Variants in LONRF2 observed in about 807,000 individuals in gnomAD.
LONRF2 encodes LON peptidase N-terminal domain and ring finger 2.
In LONRF2, 35 loss-of-function variants were observed where a neutral mutation model predicts 66.6. The ratio of observed to expected loss-of-function variants is 0.53; its 90% CI spans 0.40 to 0.70. The LOEUF is 0.70. LONRF2 is among the 30% of genes least tolerant of loss of function. The pLI is 0.00. For missense variants in LONRF2, 902 were observed against 1,002.1 expected (o/e 0.90, Z 1.35); for synonymous variants, 417 against 418.1 (o/e 1.00, Z 0.03).
chr2:100,303,040 G>A lies in LONRF2; in HGVS notation c.802C>T (p.His268Tyr), dbSNP rs1413460914. ...CQNEPLLIKGHQVKAQALSGL... is the reference protein window; with the variant it reads ...CQNEPLLIKGYQVKAQALSGL... Reference sequence around the variant, plus strand: ...GAAAGAGCCTGAGCTTTTACTTGATGTCCCTAGATTCACCGAAGACAAAGT... The same window carrying A: ...GAAAGAGCCTGAGCTTTTACTTGATATCCCTAGATTCACCGAAGACAAAGT... Residue 268 changes from histidine (H) to tyrosine (Y), a missense_variant, in exon 3 of 12, where the codon CAT becomes TAT. Transcript: ENST00000393437. 2 of 1,595,382 alleles carry A rather than the reference G, an allele frequency of 1.3e-6. No individual in the cohort carries two copies. Among genetic ancestry groups the A allele is most frequent in the Non-Finnish European group, 1.7e-6 (2 of 1,171,760 alleles).
chr2:100,296,112 A>C (rs1002333182), intron 7 of LONRF2, among the ~76,000 whole-genome samples: 1 of 152,192 alleles, frequency 6.6e-6, no homozygotes, highest in South Asian at 2.1e-4. Context: ...CGGGATGTGA[A>C]GGGAAGGTAG....
intron 2 of LONRF2, among the ~76,000 whole-genome samples, chr2:100,304,630 T>G (rs1437631283): frequency 6.8e-6 from 1 of 147,746 alleles, no homozygotes; most frequent in Non-Finnish European, 1.5e-5. Flanking sequence ...TGACTGTTTT[T>G]TTTTTTTTTT....
chr2:100,314,828 G>C (rs944382496), intron 1 of LONRF2, among the ~76,000 whole-genome samples: 1 of 152,136 alleles, frequency 6.6e-6, no homozygotes, highest in African/African-American at 2.4e-5. Context: ...GTATATGTGA[G>C]AGTCAGTTTC....
rs1674630051 is a variant in LONRF2, at chr2:100,277,764, C to G, written c.*6534G>C. On this transcript the variant is annotated 3_prime_UTR_variant, in exon 12 of 12. Transcript: ENST00000393437. ...CTGGATGCCCTGGTCAGCACAGCGC[C>G]CCAGCTTCACATTTATGGCCAACTG... 1.3e-5 allele frequency: 2 copies of G among 152,166 alleles called. No homozygotes were observed. The highest frequency in any genetic ancestry group is 6.5e-5 in the Admixed American group (1 of 15,282). The allele number at this position is 152,166 out of a possible 1,614,324, so 9.4% of individuals were successfully genotyped here. A position where few individuals can be genotyped will look rare whatever the true frequency, so the allele number is the denominator to read the frequency against.
At chr2:100,310,581 T>TCATCACCA (rs1304897708) in intron 1 of LONRF2, among the ~76,000 whole-genome samples, 2 of 152,146 alleles carry the variant, frequency 1.3e-5, no homozygotes, top group African/African-American at 4.8e-5. Context: ...TATAAATGTG[T>TCATCACCA]CATCACCACA....
In LONRF2 at chr2:100,297,160, GCT is replaced by G. The variant is rs529682650; in HGVS notation, c.1477-1609_1477-1608del. Among the ~76,000 whole-genome samples, 565 of 150,866 alleles carry G rather than the reference GCT, an allele frequency of 3.7e-3. 3 individuals are homozygous for G. The highest frequency in any genetic ancestry group is 6.0e-3 in the Non-Finnish European group (409 of 67,774). Reference sequence around the variant, plus strand: ...TTTTTTCTTTTTGAGACAGAGTCTCGCTCTGTCGCCCGGGCTGGAGTGCAGTG... The same window carrying G: ...TTTTTTCTTTTTGAGACAGAGTCTCGCTGTCGCCCGGGCTGGAGTGCAGTG... On this transcript the variant is annotated intron_variant, in intron 7 of 11. Coordinates refer to ENST00000393437, the MANE Select transcript of LONRF2 (RefSeq NM_198461.4).
At position 100,321,564 on chromosome 2, in the gene LONRF2, C is replaced by A; in HGVS notation, c.530G>T (p.Arg177Leu). The A allele has an allele frequency of 6.5e-7, 1 of 1,538,906 alleles. No individual in the cohort carries two copies. The highest frequency in any genetic ancestry group is 8.7e-7 in the Non-Finnish European group (1 of 1,154,914). ...GCCGCTCAGCACCACGTTCACGCGC[C>A]GCACCTGCGGCCGCGCGGGCCCTGG... ...VEPGPARPQV[R>L]RVNVVLSGLL... Residue 177 changes from arginine to leucine, a missense_variant, in exon 1 of 12, where the codon CGG (arginine) becomes CTG (leucine). This residue lies in a region of LONRF2 where 585 missense variants were observed against 569.9 expected (regional missense o/e 1.03). Transcript: ENST00000393437.
In LONRF2 at chr2:100,274,293, C is replaced by T. The variant is rs925266954; in HGVS notation, c.*10005G>A. ...TGAGTGACTGAGAGAACTTCCTTAG[C>T]TGCAGGGCTGCAGGCAGGTGCTTCT... On this transcript the variant is annotated 3_prime_UTR_variant, in exon 12 of 12. Transcript: ENST00000393437. The T allele has an allele frequency of 2.0e-5, 3 of 152,336 alleles. No individual in the cohort carries two copies. Among genetic ancestry groups the T allele is most frequent in the Non-Finnish European group, 2.9e-5 (2 of 68,058 alleles). 9.4% of individuals were successfully genotyped at this position (152,336 alleles called of 1,614,324 possible).
chr2:100,318,515 G>A (rs1422078545), intron 1 of LONRF2, among the ~76,000 whole-genome samples: 1 of 152,002 alleles, frequency 6.6e-6, no homozygotes, highest in African/African-American at 2.4e-5. Context: ...ACCACACTTC[G>A]CTAAGGTCAC....
At chr2:100,304,790 A>AT (rs3039614) in intron 2 of LONRF2, among the ~76,000 whole-genome samples, 2,700 of 113,176 alleles carry the variant, frequency 0.024, 45 homozygotes, top group Middle Eastern at 0.03. Flanking sequence ...TGCCTGGCTA[A>AT]TTTTTTTTTT....
At chr2:100,305,392 AC>A (rs1675271413) in intron 2 of LONRF2, among the ~76,000 whole-genome samples, 1 of 152,132 alleles carries the variant, frequency 6.6e-6, no homozygotes, top group Non-Finnish European at 1.5e-5. Context: ...GAAGTAAACC[AC>A]TACCCCTGTT....
chr2:100,307,941 A>G (rs1172271330), intron 2 of LONRF2, among the ~76,000 whole-genome samples: 1 of 110,912 alleles, frequency 9.0e-6, no homozygotes, highest in Non-Finnish European at 1.9e-5. Context: ...TGGAGTCTAA[A>G]CTTTTTTTTT....
chr2:100,290,992 T>C (rs911911849), intron 9 of LONRF2, among the ~76,000 whole-genome samples: 2 of 152,112 alleles, frequency 1.3e-5, no homozygotes, highest in African/African-American at 4.8e-5. Context: ...CCATGTGCAC[T>C]GAGAATATAG....
chr2:100,298,614 A>G (rs1187336268), intron 7 of LONRF2, among the ~76,000 whole-genome samples: 1 of 152,174 alleles, frequency 6.6e-6, no homozygotes, highest in African/African-American at 2.4e-5. Context: ...TCTCAACTAA[A>G]ATTTCTACCT....
In LONRF2 at chr2:100,284,390, G is replaced by A. The variant is rs765626802; in HGVS notation, c.2173C>T (p.Arg725Trp). Reference sequence around the variant, plus strand: ...AATATCCGTCGGATGGCAAGGAGCCGCTCTTTGAGCGAGGTCATGCCGAGG... The same window carrying A: ...AATATCCGTCGGATGGCAAGGAGCCACTCTTTGAGCGAGGTCATGCCGAGG... ...AILGMTSLKE[R>W]LLAIRRILVI... Residue 725 changes from arginine (R) to tryptophan (W), a missense_variant, in exon 12 of 12, where the codon CGG (arginine) becomes TGG (tryptophan). Arg to Trp is a moderately radical substitution (Grantham distance 101, BLOSUM62 -3). Around this residue, in one of 2 missense-constraint regions of LONRF2, gnomAD observed 317 missense variants for 432.2 expected, o/e 0.73. Transcript: ENST00000393437. The A allele has an allele frequency of 2.2e-5, 35 of 1,600,850 alleles. No individual in the cohort carries two copies. Among genetic ancestry groups the A allele is most frequent in the Non-Finnish European group, 1.5e-5 (18 of 1,173,794 alleles).
Position 100,280,046 on chromosome 2 carries a change from G to C in LONRF2, c.*4252C>G, listed in dbSNP as rs1674682756. 2.0e-5 allele frequency: 3 copies of C among 152,194 alleles called. No individual in the cohort carries two copies. The highest frequency in any genetic ancestry group is 4.4e-5 in the Non-Finnish European group (3 of 68,064). The allele number at this position is 152,194 out of a possible 1,614,324, so 9.4% of individuals were successfully genotyped here. On this transcript the variant is annotated 3_prime_UTR_variant, in exon 12 of 12. Transcript: ENST00000393437. ...TCAATCAGTTACTTTTATCAGACCT[G>C]GGTGCAAATTCGAGTTTATGTCCCC... is the stretch of plus-strand genomic sequence containing the variant.
rs11302132 is a variant in LONRF2, at chr2:100,279,322, AC to A, written c.*4975del. The A allele has an allele frequency of 0.73, 103,591 of 142,094 alleles. 37,893 individuals carry two copies. Among genetic ancestry groups the A allele is most frequent in the East Asian group, 0.96 (4,629 of 4,840 alleles). 8.8% of individuals were successfully genotyped at this position (142,094 alleles called of 1,614,324 possible). A position where few individuals can be genotyped will look rare whatever the true frequency, so the allele number is the denominator to read the frequency against. ...ACAACTGCACCAAGAAATGTTAGAG[AC>A]CCCCCCCCCGCAAACTGCAGAACTA... On this transcript the variant is annotated 3_prime_UTR_variant, in exon 12 of 12. Transcript: ENST00000393437.
chr2:100,301,027 A>G (rs899809222), intron 3 of LONRF2, among the ~76,000 whole-genome samples: 1 of 152,160 alleles, frequency 6.6e-6, no homozygotes, highest in African/African-American at 2.4e-5. Context: ...AATGATAGCA[A>G]TACCACTTCC....
chr2:100,297,243 C>G (rs1479203881), intron 7 of LONRF2, among the ~76,000 whole-genome samples: 1 of 152,094 alleles, frequency 6.6e-6, no homozygotes, highest in Non-Finnish European at 1.5e-5. Context: ...ATTCTCCTGT[C>G]TCAGCCTCCC....
Sources: gnomAD v4.1 joint callset for allele counts (sites outside exome capture counted in the v4.1 genomes callset) on GRCh38, gnomAD v4.1.1 for gene constraint, gnomAD v4.1.1 regional missense constraint, MANE v1.5 for transcripts, NCBI Gene and HGNC (gene_info 2026-07-23, HGNC 2026-07-21) for gene names.